The following MOCOS variants were observed in gnomAD, a reference collection of about 807,000 sequenced individuals.
MOCOS encodes the protein human molybdenum cofactor sulfurase.
In MOCOS, 86 loss-of-function variants were observed where a neutral mutation model predicts 83.6. The ratio of observed to expected loss-of-function variants is 1.03; its 90% CI spans 0.86 to 1.23. The LOEUF (loss-of-function observed/expected upper bound fraction) is 1.23. MOCOS is among the 50% of genes most tolerant of loss of function. The pLI, the probability that MOCOS is intolerant of heterozygous loss-of-function variation, is 0.00. For missense variants in MOCOS, 1,120 were observed against 1,126.9 expected (o/e 0.99, Z 0.09); for synonymous variants, 445 against 434.7 (o/e 1.02, Z -0.29).
rs2091346641 is a variant in MOCOS at position 36,187,650 on chromosome 18, G to A, written c.111G>A (p.Glu37=). 1.6e-6 allele frequency: 2 copies of A among 1,253,390 alleles called. No homozygotes were observed. Among genetic ancestry groups the A allele is most frequent in the South Asian group, 3.6e-5 (1 of 27,888 alleles). 77.6% of individuals were successfully genotyped at this position (1,253,390 alleles called of 1,614,324 possible). A position where few individuals can be genotyped will look rare whatever the true frequency, so the allele number is the denominator to read the frequency against. ...AYGYGPGSLR[E]LRAREFSRLA... ...GCTACGGCCCGGGCAGCCTGCGCGA[G>A]CTGCGGGCGCGCGAGTTCAGCCGCC... is the stretch of plus-strand genomic sequence containing the variant. The change falls in exon 1 of 15, where the codon GAG becomes GAA. Residue 37 remains glutamate (E), a synonymous_variant. Coordinates refer to ENST00000261326, the MANE Select transcript of MOCOS (RefSeq NM_017947.4).
At chr18:36,245,447 A>G (rs562474946) in intron 9 of MOCOS, among the ~76,000 whole-genome samples, 1 of 152,334 alleles carries the variant, frequency 6.6e-6, no homozygotes, top group East Asian at 1.9e-4. Flanking sequence ...GAGGCTGAAG[A>G]TAGGACCCCA....
intron 9 of MOCOS, among the ~76,000 whole-genome samples, chr18:36,233,544 T>C (rs2091546583): frequency 6.6e-6 from 1 of 152,218 alleles, no homozygotes; most frequent in South Asian, 2.1e-4. Flanking sequence ...TTCCTCTGGG[T>C]AAATACCCAG....
At chr18:36,213,261 C>T in intron 6 of MOCOS, 105 bp from the exon 7 acceptor site, 1 of 875,072 alleles carries the variant, frequency 1.1e-6, no homozygotes, top group Admixed American at 1.9e-5. Flanking sequence ...AGGCTTGTAT[C>T]ATCATTTTAT....
At chr18:36,249,644 G>A (rs1225986242) in intron 10 of MOCOS, among the ~76,000 whole-genome samples, 2 of 152,072 alleles carry the variant, frequency 1.3e-5, no homozygotes, top group Admixed American at 6.5e-5. Flanking sequence ...AAGGGGGAAG[G>A]GGTGCAAGCA....
At chr18:36,260,565 G>T (rs989882190) in intron 13 of MOCOS, among the ~76,000 whole-genome samples, 3 of 152,166 alleles carry the variant, frequency 2.0e-5, no homozygotes, top group African/African-American at 7.2e-5. Context: ...GCCTGGCGGT[G>T]CCTCTTTGCC....
intron 9 of MOCOS, among the ~76,000 whole-genome samples, chr18:36,240,804 C>G (rs947653191): frequency 9.9e-5 from 15 of 152,212 alleles, no homozygotes; most frequent in African/African-American, 3.4e-4. Context: ...GGGTAGGACC[C>G]TCCGAGCCAG....
At chr18:36,249,479 G>A (rs2091614405) in intron 10 of MOCOS, among the ~76,000 whole-genome samples, 1 of 152,068 alleles carries the variant, frequency 6.6e-6, no homozygotes, top group South Asian at 2.1e-4. Flanking sequence ...CAGAGCCTGG[G>A]ACAGTGTCAA....
chr18:36,255,498 C>T (rs2091638244), intron 11 of MOCOS, among the ~76,000 whole-genome samples: 1 of 152,148 alleles, frequency 6.6e-6, no homozygotes. Flanking sequence ...TTTTGTCTTC[C>T]ACTCTGGAGA....
At position 36,256,178 on chromosome 18, in the gene MOCOS, C is replaced by T. The variant is rs2091640850; in HGVS notation, c.2165-790C>T. On this transcript the variant is annotated intron_variant, in intron 11 of 14. Coordinates refer to ENST00000261326, the MANE Select transcript of MOCOS (RefSeq NM_017947.4). ...AAGTGCTGGGATTACAGGAGTGAGC[C>T]ACCGCGCCTAGCCCTCCCTTTTAGT... 2.6e-5 allele frequency among the ~76,000 whole-genome samples: 4 copies of T among 152,028 alleles called. No homozygotes were observed. The South Asian group carries it at 6.2e-4, about 24-fold the overall frequency.
Position 36,215,926 on chromosome 18 carries a change from T to C in MOCOS, c.1746T>C (p.His582=). 1 of 1,613,818 alleles carries C rather than the reference T, an allele frequency of 6.2e-7. No homozygotes were observed. Among genetic ancestry groups the C allele is most frequent in the South Asian group, 1.1e-5 (1 of 91,088 alleles). Residue 582 remains histidine, a synonymous_variant, in exon 8 of 15, where the codon CAT becomes CAC. Coordinates refer to ENST00000261326, the MANE Select transcript of MOCOS (RefSeq NM_017947.4). ...TCCTGGAGGGGGCCCTTGGGCCACA[T>C]GTTGTCACTAACCTTTATCTCTATC... ...AGVLEGALGP[H]VVTNLYLYPI...
At chr18:36,242,516 A>G (rs1320806520) in intron 9 of MOCOS, among the ~76,000 whole-genome samples, 1 of 152,224 alleles carries the variant, frequency 6.6e-6, no homozygotes, top group Non-Finnish European at 1.5e-5. Flanking sequence ...ATTTTCAAGT[A>G]TCTTTGTAGC....
At chr18:36,208,561 A>G (rs1413157921) in intron 6 of MOCOS, among the ~76,000 whole-genome samples, 1 of 152,110 alleles carries the variant, frequency 6.6e-6, no homozygotes, top group East Asian at 1.9e-4. Flanking sequence ...GCTATTGTAA[A>G]TGGGATTGCA....
In MOCOS at chr18:36,246,070, C is replaced by G. The variant is rs376888051; in HGVS notation, c.1961-2852C>G. Among the ~76,000 whole-genome samples the G allele has an allele frequency of 4.2e-4, 64 of 152,138 alleles. 1 individual carries two copies. Among genetic ancestry groups the G allele is most frequent in the African/African-American group, 1.5e-3 (61 of 41,506 alleles). ...TTTCTTTAAATTAGTTTTCACTTTT[C>G]TCTGGTGCCTCCTTAAGTAGCTTAA... On this transcript the variant is annotated intron_variant, in intron 9 of 14. Transcript: ENST00000261326.
chr18:36,223,120 T>G (rs56333160), intron 9 of MOCOS, among the ~76,000 whole-genome samples: 49,837 of 152,096 alleles, frequency 0.33, 8,775 homozygotes, highest in South Asian at 0.58. Context: ...GTATTTTTGT[T>G]TTTGTTACTT....
chr18:36,247,012 C>G (rs893639932), intron 9 of MOCOS, among the ~76,000 whole-genome samples: 1 of 151,792 alleles, frequency 6.6e-6, no homozygotes, highest in Non-Finnish European at 1.5e-5. Context: ...ATCATACTCT[C>G]CTTGGGCAGG....
At position 36,268,656 on chromosome 18, in the gene MOCOS, T is replaced by C; in HGVS notation, c.2638T>C (p.Ser880Pro). 6.2e-7 allele frequency: 1 copy of C among 1,613,786 alleles called. No homozygotes were observed. Among genetic ancestry groups the C allele is most frequent in the Non-Finnish European group, 8.5e-7 (1 of 1,179,996 alleles). ...TGTGGAAGGTCATGATTTACCTGCA[T>C]CTGAGAAACACCAGGATGTTACCTC... Reference protein sequence around the residue: ...ENVEGHDLPASEKHQDVTS With the variant: ...ENVEGHDLPAPEKHQDVTS Residue 880 changes from serine (S) to proline (P), a missense_variant, in exon 15 of 15, where the codon TCT becomes CCT. Transcript: ENST00000261326.
In MOCOS at chr18:36,268,629, A is replaced by G; in HGVS notation, c.2611A>G (p.Asn871Asp). 1 of 1,614,026 alleles carries G rather than the reference A, an allele frequency of 6.2e-7. No individual in the cohort carries two copies. Among genetic ancestry groups the G allele is most frequent in the Non-Finnish European group, 8.5e-7 (1 of 1,180,020 alleles). Reference protein sequence around the residue: ...GSQVLPVLKENVEGHDLPASE... With the variant: ...GSQVLPVLKEDVEGHDLPASE... ...TCAGGTGCTCCCTGTGTTGAAAGAG[A>G]ATGTGGAAGGTCATGATTTACCTGC... The change falls in exon 15 of 15, where the codon AAT (asparagine) becomes GAT (aspartate). Residue 871 changes from asparagine (N) to aspartate (D), a missense_variant. Transcript: ENST00000261326.
chr18:36,223,607 G>A (rs548277786), intron 9 of MOCOS, among the ~76,000 whole-genome samples: 1 of 152,236 alleles, frequency 6.6e-6, no homozygotes, highest in African/African-American at 2.4e-5. Flanking sequence ...TTTTAGGATC[G>A]TTCTTTCTAT....
chr18:36,233,864 C>T (rs1411785804), intron 9 of MOCOS, among the ~76,000 whole-genome samples: 2 of 151,854 alleles, frequency 1.3e-5, no homozygotes, highest in African/African-American at 4.8e-5. Context: ...TGTCCTTAGC[C>T]CACTTTTTGA....
Sources: allele counts gnomAD v4.1 joint callset (sites outside exome capture counted in the v4.1 genomes callset), GRCh38; gene constraint gnomAD v4.1.1; transcripts MANE v1.5; gene names NCBI Gene and HGNC (gene_info 2026-07-23, HGNC 2026-07-21).